PPP1R3A: variants seen among roughly 807,000 people sequenced by gnomAD.
The protein encoded by PPP1R3A is protein phosphatase 1 regulatory subunit 3A, also known as RG1.
PPP1R3A carries 29 observed loss-of-function variants against 41.7 expected under a neutral mutation model. The ratio of observed to expected loss-of-function variants is 0.70; its 90% CI spans 0.52 to 0.95. The LOEUF (loss-of-function observed/expected upper bound fraction) is 0.95. Among genes scored for constraint, PPP1R3A ranks in the 40% least tolerant of loss-of-function variants. PPP1R3A has a pLI of 0.00. For synonymous variants in PPP1R3A, 485 were observed against 453.4 expected (o/e 1.07, Z -0.89); for missense variants, 1,352 against 1,292.4 (o/e 1.05, Z -0.71).
intron 1 of PPP1R3A, among the ~76,000 whole-genome samples, chr7:113,889,859 C>T (rs1457306987): frequency 2.6e-5 from 4 of 152,038 alleles, no homozygotes; most frequent in Non-Finnish European, 4.4e-5. Flanking sequence ...AAAAGCAAGA[C>T]GGAGTCCCTG....
Position 113,878,960 on chromosome 7 carries a change from C to T in PPP1R3A, c.2132G>A (p.Cys711Tyr), listed in dbSNP as rs572777494. The T allele has an allele frequency of 1.9e-5, 31 of 1,613,308 alleles. 1 individual carries two copies. In the South Asian group the frequency reaches 2.9e-4, roughly 15 times the overall value. Residue 711 changes from cysteine to tyrosine, a missense_variant, in exon 4 of 4, where the codon TGT becomes TAT. By Grantham distance (194) the Cys-to-Tyr change is radical (BLOSUM62 -2). Coordinates refer to ENST00000284601, the MANE Select transcript of PPP1R3A (RefSeq NM_002711.4). The part of the protein sequence containing the change: ...ELFTCQETVC[C>Y]ELSSLADHGI... Reference sequence around the variant, plus strand: ...ATGATCAGCTAGAGAAGACAGTTCACAGCACACTGTTTCTTGGCAGGTAAA... The same window carrying T: ...ATGATCAGCTAGAGAAGACAGTTCATAGCACACTGTTTCTTGGCAGGTAAA...
At position 113,879,923 on chromosome 7, in the gene PPP1R3A, C is replaced by A. The variant is rs554390417; in HGVS notation, c.1169G>T (p.Cys390Phe). Reference protein sequence around the residue: ...AESSVKGDFYCNEKYSSGDDC... With the variant: ...AESSVKGDFYFNEKYSSGDDC... ...ATCTCCTGAGGAATATTTTTCATTGCAGTAAAAATCTCCCTTTACGGAGCT... is the reference window on the plus strand; with the variant it reads ...ATCTCCTGAGGAATATTTTTCATTGAAGTAAAAATCTCCCTTTACGGAGCT... Residue 390 changes from cysteine to phenylalanine, a missense_variant, in exon 4 of 4, where the codon TGC (cysteine) becomes TTC (phenylalanine). By Grantham distance (205) the Cys-to-Phe change is radical. Transcript: ENST00000284601. 112 of 1,613,480 alleles carry A rather than the reference C, an allele frequency of 6.9e-5. 1 individual carries two copies. The South Asian group carries it at 1.2e-3, about 17-fold the overall frequency.
At chr7:113,902,020 TGTGTAA>T (rs1797069967) in intron 1 of PPP1R3A, among the ~76,000 whole-genome samples, 1 of 151,904 alleles carries the variant, frequency 6.6e-6, no homozygotes, top group Admixed American at 6.6e-5. Flanking sequence ...AGAAGCATGT[TGTGTAA>T]CTTGGCTCCT....
rs1299120474 is a variant in PPP1R3A, at chr7:113,879,779, A to G, written c.1313T>C (p.Leu438Pro). The change falls in exon 4 of 4, where the codon CTG becomes CCG. Residue 438 changes from leucine to proline, a missense_variant. Leu to Pro is a moderately conservative substitution (Grantham distance 98, BLOSUM62 -3). Coordinates refer to ENST00000284601, the MANE Select transcript of PPP1R3A (RefSeq NM_002711.4). ...VQLHTGSKEV[L>P]DDNANPAHGN... ...ATGGGCTGGATTAGCATTATCATCC[A>G]GGACTTCTTTGCTGCCAGTATGTAA... 6.2e-7 allele frequency: 1 copy of G among 1,613,466 alleles called. No homozygotes were observed. The highest frequency in any genetic ancestry group is 1.3e-5 in the African/African-American group (1 of 74,990).
At position 113,918,605 on chromosome 7, in the gene PPP1R3A, T is replaced by G. The variant is rs1370441220; in HGVS notation, c.392A>C (p.Glu131Ala). Residue 131 changes from glutamate (E) to alanine (A), a missense_variant, in exon 1 of 4, where the codon GAG (glutamate) becomes GCG (alanine). Transcript: ENST00000284601. ...AGACCCAAGAAGAGACTCAGTTGAC[T>G]CCAGTATTGCTTTCTGTATTTGGAG... ...QQLQIQKAIL[E>A]STESLLGSTS... 1.2e-6 allele frequency: 2 copies of G among 1,613,650 alleles called. No homozygotes were observed. Among genetic ancestry groups the G allele is most frequent in the Admixed American group, 1.7e-5 (1 of 59,966 alleles).
chr7:113,901,496 G>A (rs990850493), intron 1 of PPP1R3A, among the ~76,000 whole-genome samples: 1 of 151,796 alleles, frequency 6.6e-6, no homozygotes, highest in Non-Finnish European at 1.5e-5. Flanking sequence ...AAACCTGGAA[G>A]TTTATATTCC....
intron 1 of PPP1R3A, among the ~76,000 whole-genome samples, chr7:113,917,670 T>C (rs1477067022): frequency 6.6e-6 from 1 of 152,074 alleles, no homozygotes; most frequent in Non-Finnish European, 1.5e-5. Flanking sequence ...TGTTAATCAT[T>C]AAGGTCATTT....
rs1490028752 is a variant in PPP1R3A at position 113,878,306 on chromosome 7, T to C, written c.2786A>G (p.Glu929Gly). 1 of 1,613,214 alleles carries C rather than the reference T, an allele frequency of 6.2e-7. No individual in the cohort carries two copies. The highest frequency in any genetic ancestry group is 8.5e-7 in the Non-Finnish European group (1 of 1,179,640). ...TGCATTCTCTACAGCAATTGCCTGC[T>C]CATTAGTTGACACTGAAATTTCAGT... ...HHTEISVSTN[E>G]QAIAVENAVT... The change falls in exon 4 of 4, where the codon GAG becomes GGG. Residue 929 changes from glutamate to glycine, a missense_variant. Transcript: ENST00000284601.
At chr7:113,885,939 A>T (rs1796777887) in intron 1 of PPP1R3A, among the ~76,000 whole-genome samples, 1 of 149,398 alleles carries the variant, frequency 6.7e-6, no homozygotes, top group Admixed American at 6.7e-5. Flanking sequence ...TTTATATATA[A>T]CTATGTATAT....
At chr7:113,907,888 G>T (rs1050453610) in intron 1 of PPP1R3A, among the ~76,000 whole-genome samples, 1 of 151,726 alleles carries the variant, frequency 6.6e-6, no homozygotes, top group Non-Finnish European at 1.5e-5. Flanking sequence ...TAAGTCTTTT[G>T]CTAGGTGTTA....
intron 1 of PPP1R3A, among the ~76,000 whole-genome samples, chr7:113,917,540 T>C (rs866021119): frequency 6.6e-6 from 1 of 152,108 alleles, no homozygotes; most frequent in African/African-American, 2.4e-5. Flanking sequence ...GGTCATTTTT[T>C]GTTCTGCTCC....
At chr7:113,887,012 A>G (rs1295823444) in intron 1 of PPP1R3A, among the ~76,000 whole-genome samples, 2 of 152,174 alleles carry the variant, frequency 1.3e-5, no homozygotes, top group African/African-American at 4.8e-5. Flanking sequence ...TGTTGAGTGA[A>G]TAAATGCACA....
chr7:113,882,348 T>C (rs1013136377), intron 1 of PPP1R3A, 28 bp from the exon 2 acceptor site: 7 of 1,342,260 alleles, frequency 5.2e-6, no homozygotes, highest in Non-Finnish European at 6.4e-6. Context: ...AAATGTTATA[T>C]GTTTTTCTGG....
chr7:113,886,032 G>A (rs891004603), intron 1 of PPP1R3A, among the ~76,000 whole-genome samples: 25 of 150,038 alleles, frequency 1.7e-4, no homozygotes, highest in Admixed American at 7.3e-4. Context: ...ACTTTGGAAC[G>A]GTTCATTTAA....
chr7:113,893,348 T>G (rs1299585802), intron 1 of PPP1R3A, among the ~76,000 whole-genome samples: 1 of 152,012 alleles, frequency 6.6e-6, no homozygotes, highest in Admixed American at 6.6e-5. Context: ...TAGCCAAGGA[T>G]AAATTGTCAA....
In PPP1R3A at chr7:113,918,555, C is replaced by T; in HGVS notation, c.442G>A (p.Val148Ile). ...GSTSIKGIIRVLNVSFEKLVY... is the reference protein window; with the variant it reads ...GSTSIKGIIRILNVSFEKLVY... ...AACTTCTCAAAAGAAACATTCAAAACTCGAATAATACCCTTGATACTTGTA... is the reference window on the plus strand; with the variant it reads ...AACTTCTCAAAAGAAACATTCAAAATTCGAATAATACCCTTGATACTTGTA... The change falls in exon 1 of 4, where the codon GTT becomes ATT. Residue 148 changes from valine to isoleucine, a missense_variant. Coordinates refer to ENST00000284601, the MANE Select transcript of PPP1R3A (RefSeq NM_002711.4). 6.2e-7 allele frequency: 1 copy of T among 1,612,936 alleles called. No individual in the cohort carries two copies. Among genetic ancestry groups the T allele is most frequent in the Non-Finnish European group, 8.5e-7 (1 of 1,179,296 alleles).
rs771166845 is a variant in PPP1R3A, at chr7:113,882,245, T to G, written c.841+17A>C. ...AAAAGAGACAAATTTGGTTTTAAAATTAATGAAGAATATTACCTGTATTCT... is the reference window on the plus strand; with the variant it reads ...AAAAGAGACAAATTTGGTTTTAAAAGTAATGAAGAATATTACCTGTATTCT... On this transcript the variant is annotated intron_variant, in intron 2 of 3. Coordinates refer to ENST00000284601, the MANE Select transcript of PPP1R3A (RefSeq NM_002711.4). The G allele has an allele frequency of 1.9e-5, 30 of 1,541,518 alleles. No homozygotes were observed. The highest frequency in any genetic ancestry group is 1.7e-4 in the Middle Eastern group (1 of 5,886).
chr7:113,885,432 T>C (rs1796767716), intron 1 of PPP1R3A, among the ~76,000 whole-genome samples: 1 of 152,092 alleles, frequency 6.6e-6, no homozygotes, highest in Non-Finnish European at 1.5e-5. Context: ...ATCTTCAAAA[T>C]TCAACATTTA....
chr7:113,879,989 T>C lies in PPP1R3A; in HGVS notation c.1103A>G (p.Asp368Gly), dbSNP rs199901087. The change falls in exon 4 of 4, where the codon GAC becomes GGC. Residue 368 changes from aspartate (D) to glycine (G), a missense_variant. By Grantham distance (94) the Asp-to-Gly change is moderately conservative. Coordinates refer to ENST00000284601, the MANE Select transcript of PPP1R3A (RefSeq NM_002711.4). ...TGGAGACAGAGACCTTTGGAACAAG[T>C]CAGTACATATTTCACCATGGATTTG... is the stretch of plus-strand genomic sequence containing the variant. ...KKQIHGEICTDLFQRSLSPSS... is the reference protein window; with the variant it reads ...KKQIHGEICTGLFQRSLSPSS... 1 of 1,613,306 alleles carries C rather than the reference T, an allele frequency of 6.2e-7. No homozygotes were observed. Among genetic ancestry groups the C allele is most frequent in the Non-Finnish European group, 8.5e-7 (1 of 1,179,484 alleles).
Sources: gnomAD v4.1 joint callset for allele counts (sites outside exome capture counted in the v4.1 genomes callset) on GRCh38, gnomAD v4.1.1 for gene constraint, MANE v1.5 for transcripts, NCBI Gene and HGNC (gene_info 2026-07-23, HGNC 2026-07-21) for gene names.